ATN1: variants seen among roughly 807,000 people sequenced by gnomAD.
ATN1 encodes atrophin-1.
Under a neutral mutation model 85.8 loss-of-function variants are expected in ATN1, and 19 were observed. That is an observed-to-expected ratio of 0.22 (90% CI 0.15 to 0.32). The LOEUF is 0.32. Among genes scored for constraint, ATN1 ranks in the 10% least tolerant of loss-of-function variants. The pLI, the probability that ATN1 is intolerant of heterozygous loss-of-function variation, is 1.00. For missense variants in ATN1, 1,453 were observed against 1,564.5 expected, an observed-to-expected ratio of 0.93 and a Z score of 1.20; for synonymous variants, 674 against 657.0, an observed-to-expected ratio of 1.03 and a Z score of -0.39.
chr12:6,942,036 G>A lies in ATN1; in HGVS notation c.*256G>A, dbSNP rs1017860168. 5.5e-6 allele frequency: 3 copies of A among 546,300 alleles called. No individual in the cohort carries two copies. In the South Asian group the frequency reaches 6.9e-5, roughly 12 times the overall value. The allele number at this position is 546,300 out of a possible 1,614,324, so 33.8% of individuals were successfully genotyped here. A position where few individuals can be genotyped will look rare whatever the true frequency, so the allele number is the denominator to read the frequency against. On this transcript the variant is annotated 3_prime_UTR_variant, in exon 10 of 10. Transcript: ENST00000396684. The stretch of plus-strand genomic sequence containing the variant: ...ATCTTGGACCAGGTCTCTCTTCCTT[G>A]TCCCCCCTGCTTTTCTCCTCCCCCA...
chr12:6,936,722 A>ACAGCAACAG lies in ATN1; in HGVS notation c.1461_1469dup (p.Gln500_Gln502dup), dbSNP rs782073335. On this transcript the variant is annotated inframe_insertion, in exon 5 of 10. Transcript: ENST00000396684. ...CAACACATCACCATCACCACCAGCA[A>ACAGCAACAG]CAGCAACAGCAGCAGCAGCAGCAGC... The ACAGCAACAG allele has an allele frequency of 2.2e-5, 34 of 1,525,106 alleles. No homozygotes were observed. Among genetic ancestry groups the ACAGCAACAG allele is most frequent in the Admixed American group, 1.5e-4 (7 of 46,370 alleles). The allele number at this position is 1,525,106 out of a possible 1,614,324, so 94.5% of individuals were successfully genotyped here. A position where few individuals can be genotyped will look rare whatever the true frequency, so the allele number is the denominator to read the frequency against.
At position 6,937,958 on chromosome 12, in the gene ATN1, TGCGGCGCGAGGCCGA is replaced by T; in HGVS notation, c.2411_2425del (p.Arg804_Glu808del). ...AAGCGGGCCGACCTGGTGGAGAAGG[TGCGGCGCGAGGCCGA>T]GCAGCGCGCGCGCGAAGAAAAGGAG... is the stretch of plus-strand genomic sequence containing the variant. On this transcript the variant is annotated inframe_deletion, in exon 6 of 10. Coordinates refer to ENST00000396684, the MANE Select transcript of ATN1 (RefSeq NM_001940.4). The surrounding 1 kb of genome is among the most constrained non-coding windows in gnomAD (Gnocchi z 6.0). 3 of 1,571,554 alleles carry T rather than the reference TGCGGCGCGAGGCCGA, an allele frequency of 1.9e-6. No homozygotes were observed. The highest frequency in any genetic ancestry group is 2.6e-6 in the Non-Finnish European group (3 of 1,159,458).
chr12:6,931,705 A>G (rs1188852260), intron 1 of ATN1, among the ~76,000 whole-genome samples: 1 of 144,942 alleles, frequency 6.9e-6, no homozygotes, highest in African/African-American at 2.6e-5. Context: ...ACAAGAGCAA[A>G]GATCCATCTC....
At chr12:6,925,109 TGCGTGTGC>T (rs1565561500), upstream of ATN1, among the ~76,000 whole-genome samples, 1 of 130,196 alleles carries the variant, frequency 7.7e-6, no homozygotes, top group African/African-American at 3.5e-5. Context: ...GCTGTGTGTG[TGCGTGTGC>T]GTGTGTGTGT....
Position 6,935,920 on chromosome 12 carries a change from A to C in ATN1, c.653A>C (p.Gln218Pro), listed in dbSNP as rs1555143508. Reference protein sequence around the residue: ...APPGAPPPHPQLYPGGTGGVL... With the variant: ...APPGAPPPHPPLYPGGTGGVL... Reference sequence around the variant, plus strand: ...CCTGGGGCCCCTCCCCCTCACCCACAGCTCTATCCTGGGGGCACTGGTGGA... The same window carrying C: ...CCTGGGGCCCCTCCCCCTCACCCACCGCTCTATCCTGGGGGCACTGGTGGA... The change falls in exon 5 of 10, where the codon CAG becomes CCG. Residue 218 changes from glutamine to proline, a missense_variant. Transcript: ENST00000396684. This position sits in a 1 kb window ranked among gnomAD's most constrained non-coding sequence, Gnocchi z 5.3. 5 of 1,606,996 alleles carry C rather than the reference A, an allele frequency of 3.1e-6. No homozygotes were observed. Among genetic ancestry groups the C allele is most frequent in the Non-Finnish European group, 4.3e-6 (5 of 1,176,140 alleles).
intron 7 of ATN1, among the ~76,000 whole-genome samples, chr12:6,940,310 G>A (rs868978650): frequency 6.9e-6 from 1 of 145,414 alleles, no homozygotes; most frequent in East Asian, 2.1e-4. Context: ...CTTTTGCCCA[G>A]ACTGGAGTGC....
At chr12:6,925,953 C>G (rs782204043), upstream of ATN1, among the ~76,000 whole-genome samples, 1 of 152,236 alleles carries the variant, frequency 6.6e-6, no homozygotes, top group Non-Finnish European at 1.5e-5. Context: ...CTGCCTCCCT[C>G]CCATTCTCTG....
At chr12:6,927,659 TC>T (rs1222299121), upstream of ATN1, among the ~76,000 whole-genome samples, 1 of 137,048 alleles carries the variant, frequency 7.3e-6, no homozygotes, top group South Asian at 2.5e-4. Flanking sequence ...TCCCCCTCTC[TC>T]CCCCCTCGCG....
chr12:6,926,118 GA>G (rs1401946663), upstream of ATN1, among the ~76,000 whole-genome samples: 1 of 152,204 alleles, frequency 6.6e-6, no homozygotes, highest in Non-Finnish European at 1.5e-5. Flanking sequence ...CTGACTGCCA[GA>G]GGCTACCTGG....
At chr12:6,929,545 T>A (rs143268114) in intron 1 of ATN1, among the ~76,000 whole-genome samples, 15 of 152,102 alleles carry the variant, frequency 9.9e-5, no homozygotes, top group African/African-American at 3.4e-4. Context: ...GATGTCAGAT[T>A]GGTTGGGGGG....
In ATN1 at chr12:6,938,682, C is replaced by T; in HGVS notation, c.2719C>T (p.Pro907Ser). The change falls in exon 7 of 10, where the codon CCC (proline) becomes TCC (serine). Residue 907 changes from proline (P) to serine (S), a missense_variant. By Grantham distance (74) the Pro-to-Ser change is moderately conservative. This residue lies in a region of ATN1 where 208 missense variants were observed against 263.4 expected (regional missense o/e 0.79). Coordinates refer to ENST00000396684, the MANE Select transcript of ATN1 (RefSeq NM_001940.4). ...CAATCGCAACCATCCATTCTACGTG[C>T]CCCTGGGGGCAGTGGACCCGGGGCT... ...PGNRNHPFYV[P>S]LGAVDPGLLG... 6.2e-7 allele frequency: 1 copy of T among 1,614,188 alleles called. No homozygotes were observed. Among genetic ancestry groups the T allele is most frequent in the Non-Finnish European group, 8.5e-7 (1 of 1,180,040 alleles).
intron 1 of ATN1, among the ~76,000 whole-genome samples, chr12:6,930,165 T>C (rs1194189088): frequency 4.6e-5 from 7 of 152,242 alleles, no homozygotes; most frequent in African/African-American, 1.4e-4. Context: ...ATGAAGGGGC[T>C]ATAGATGAGA....
At position 6,936,178 on chromosome 12, in the gene ATN1, C is replaced by A; in HGVS notation, c.911C>A (p.Pro304Gln). 1 of 1,554,982 alleles carries A rather than the reference C, an allele frequency of 6.4e-7. No homozygotes were observed. Among genetic ancestry groups the A allele is most frequent in the Non-Finnish European group, 8.7e-7 (1 of 1,150,640 alleles). Residue 304 changes from proline (P) to glutamine (Q), a missense_variant, in exon 5 of 10, where the codon CCA (proline) becomes CAA (glutamine). By Grantham distance (76) the Pro-to-Gln change is moderately conservative. Coordinates refer to ENST00000396684, the MANE Select transcript of ATN1 (RefSeq NM_001940.4). ...CATGTGACACCGAACCTGCCTCCCC[C>A]ACCTGCCCTGAGACCCCTCAACAAT... ...FPHVTPNLPP[P>Q]PALRPLNNAS...
At chr12:6,926,760 G>A (rs1235593382), upstream of ATN1, among the ~76,000 whole-genome samples, 1 of 151,974 alleles carries the variant, frequency 6.6e-6, no homozygotes, top group Non-Finnish European at 1.5e-5. Context: ...GTGAGCCCCC[G>A]CACCGGCCCC....
rs977581457 is a variant in ATN1 at position 6,940,895 on chromosome 12, A to T, written c.3230A>T (p.His1077Leu). 2.5e-6 allele frequency: 4 copies of T among 1,613,798 alleles called. No individual in the cohort carries two copies. The highest frequency in any genetic ancestry group is 3.4e-6 in the Non-Finnish European group (4 of 1,179,950). ...TGCCCTCCAGCCTCTGCCTCGGTGCACCCTCTCATTGACCCCCTGGCCTCA... is the reference window on the plus strand; with the variant it reads ...TGCCCTCCAGCCTCTGCCTCGGTGCTCCCTCTCATTGACCCCCTGGCCTCA... ...DAIHAASASV[H>L]PLIDPLASGS... Residue 1077 changes from histidine (H) to leucine (L), a missense_variant, in exon 8 of 10, where the codon CAC becomes CTC. By Grantham distance (99) the His-to-Leu change is moderately conservative (BLOSUM62 -3). Around this residue, in one of 6 missense-constraint regions of ATN1, gnomAD observed 118 missense variants for 163.7 expected, o/e 0.72. Transcript: ENST00000396684.
chr12:6,927,291 C>G (rs1023410291), upstream of ATN1, among the ~76,000 whole-genome samples: 4 of 151,948 alleles, frequency 2.6e-5, no homozygotes, highest in African/African-American at 7.3e-5. Context: ...TGATAATAGC[C>G]CCCAAACCCG....
intron 1 of ATN1, among the ~76,000 whole-genome samples, chr12:6,932,121 A>G (rs1442777098): frequency 6.6e-6 from 1 of 151,560 alleles, no homozygotes; most frequent in African/African-American, 2.4e-5. Context: ...TGTCCCAGCA[A>G]TTTTGTGATT....
Position 6,941,909 on chromosome 12 carries a change from C to G in ATN1, c.*129C>G. The G allele has an allele frequency of 1.1e-6, 1 of 918,236 alleles. No individual in the cohort carries two copies. The highest frequency in any genetic ancestry group is 1.4e-5 in the South Asian group (1 of 70,460). The allele number at this position is 918,236 out of a possible 1,614,324, so 56.9% of individuals were successfully genotyped here. On this transcript the variant is annotated 3_prime_UTR_variant, in exon 10 of 10. Transcript: ENST00000396684. This position sits in a 1 kb window ranked among gnomAD's most constrained non-coding sequence, Gnocchi z 5.9. ...CTGCTCAGTTGCAGGGCCTCCGCAG[C>G]TGGACAGAGAGTGGGGGAGGGAGGG... is the stretch of plus-strand genomic sequence containing the variant.
intron 7 of ATN1, among the ~76,000 whole-genome samples, chr12:6,940,181 G>A (rs923437124): frequency 8.6e-5 from 13 of 151,964 alleles, no homozygotes; most frequent in Non-Finnish European, 1.5e-4. Flanking sequence ...TAGTAGACAC[G>A]GGGTTTCACC....
Sources: gnomAD v4.1 joint callset for allele counts (sites outside exome capture counted in the v4.1 genomes callset) on GRCh38, gnomAD v4.1.1 for gene constraint, gnomAD v4.1.1 regional missense constraint, Gnocchi (gnomAD v3.1) non-coding constraint, MANE v1.5 for transcripts, NCBI Gene and HGNC (gene_info 2026-07-23, HGNC 2026-07-21) for gene names.